The following TMEM229B variants were observed in gnomAD, a reference collection of about 807,000 sequenced individuals.
The protein encoded by TMEM229B is chromosome 14 open reading frame 83.
In TMEM229B, 6 loss-of-function variants were observed where a neutral mutation model predicts 13.7. The observed-to-expected ratio is 0.44, with a 90% CI of 0.24 to 0.86. The LOEUF is 0.86. TMEM229B is among the 40% of genes least tolerant of loss of function. TMEM229B has a pLI of 0.23. For synonymous variants in TMEM229B, 107 were observed against 102.1 expected, an observed-to-expected ratio of 1.05 and a Z score of -0.29; for missense variants, 170 against 236.0, an observed-to-expected ratio of 0.72 and a Z score of 1.83.
intron 1 of TMEM229B, among the ~76,000 whole-genome samples, chr14:67,522,718 A>G (rs865775927): frequency 9.2e-4 from 140 of 152,182 alleles, no homozygotes; most frequent in African/African-American, 3.1e-3. Flanking sequence ...CTGAGTCAAA[A>G]GGTTTCTCCC....
chr14:67,509,749 G>A (rs2032963861), intron 1 of TMEM229B, among the ~76,000 whole-genome samples: 1 of 152,164 alleles, frequency 6.6e-6, no homozygotes, highest in Non-Finnish European at 1.5e-5. Flanking sequence ...GCTTATCCCT[G>A]TAATCCCAGC....
At chr14:67,494,804 A>C (rs188962736) in intron 1 of TMEM229B, among the ~76,000 whole-genome samples, 4 of 152,264 alleles carry the variant, frequency 2.6e-5, no homozygotes, top group African/African-American at 9.6e-5. Flanking sequence ...GCTACAGAAG[A>C]AGCACCAAAT....
intron 1 of TMEM229B, among the ~76,000 whole-genome samples, chr14:67,502,352 A>G (rs1268688076): frequency 6.6e-6 from 1 of 151,108 alleles, no homozygotes; most frequent in Non-Finnish European, 1.5e-5. Context: ...AAGAAAGAAA[A>G]AAAAAGAAAA....
chr14:67,485,797 C>T (rs2031838723), intron 2 of TMEM229B, among the ~76,000 whole-genome samples: 1 of 152,230 alleles, frequency 6.6e-6, no homozygotes, highest in Non-Finnish European at 1.5e-5. Flanking sequence ...CAGTTAGGAG[C>T]CTCTCACCCT....
intron 1 of TMEM229B, among the ~76,000 whole-genome samples, chr14:67,528,934 T>G (rs1027924594): frequency 6.6e-6 from 1 of 152,000 alleles, no homozygotes; most frequent in African/African-American, 2.4e-5. Flanking sequence ...AGACATGAGG[T>G]TAGATTTGGA....
rs577618298 is a variant in TMEM229B at position 67,515,270 on chromosome 14, G to A, written c.-376C>T. ...CCGGCGCTCTGGCTCCCCCCGCGCC[G>A]AGTTGCGGGCCGTGCCTCCCCCACG... is the stretch of plus-strand genomic sequence containing the variant. On this transcript the variant is annotated 5_prime_UTR_variant, in exon 1 of 3. Transcript: ENST00000357461. The A allele has an allele frequency of 9.8e-4, 150 of 152,980 alleles. 1 individual carries two copies. The highest frequency in any genetic ancestry group is 9.9e-4 in the Non-Finnish European group (68 of 68,834). 9.5% of individuals were successfully genotyped at this position (152,980 alleles called of 1,614,324 possible).
At chr14:67,485,410 A>G (rs538810466) in intron 2 of TMEM229B, among the ~76,000 whole-genome samples, 2 of 152,374 alleles carry the variant, frequency 1.3e-5, no homozygotes, top group African/African-American at 4.8e-5. Context: ...GCCCTGAATT[A>G]TAAACTGTCA....
chr14:67,525,686 T>G (rs58269806), intron 1 of TMEM229B, among the ~76,000 whole-genome samples: 1,869 of 152,368 alleles, frequency 0.012, 44 homozygotes, highest in African/African-American at 0.043. Context: ...TGTACATTAC[T>G]GCATATGCAG....
rs1016730191 is a variant in TMEM229B, at chr14:67,530,037, C to T, written c.-192+3599G>A. On this transcript the variant is annotated intron_variant, in intron 1 of 2. Transcript: ENST00000554278. ...GATGGGAAGCAGGGTTTCTAGAAGG[C>T]TCGTACAAGGGAAGATGAATTGTCA... is the stretch of plus-strand genomic sequence containing the variant. Among the ~76,000 whole-genome samples, 7 of 152,126 alleles carry T rather than the reference C, an allele frequency of 4.6e-5. No individual in the cohort carries two copies. The East Asian group carries it at 1.3e-3, about 29-fold the overall frequency.
At position 67,473,411 on chromosome 14, in the gene TMEM229B, G is replaced by A. The variant is rs758895657; in HGVS notation, c.*9C>T. 3.1e-6 allele frequency: 5 copies of A among 1,611,284 alleles called. No individual in the cohort carries two copies. Among genetic ancestry groups the A allele is most frequent in the East Asian group, 2.2e-5 (1 of 44,836 alleles). ...TGAGAGATCCCCAGGCCCCCCACCC[G>A]CTTCCTGCTCAGTCAGTCTTGACAT... On this transcript the variant is annotated 3_prime_UTR_variant, in exon 3 of 3. Transcript: ENST00000554480. This position sits in a 1 kb window ranked among gnomAD's most constrained non-coding sequence, Gnocchi z 6.5.
At chr14:67,478,349 A>G (rs2031358125) in intron 2 of TMEM229B, among the ~76,000 whole-genome samples, 2 of 151,808 alleles carry the variant, frequency 1.3e-5, no homozygotes, top group South Asian at 4.2e-4. Flanking sequence ...CACCCTTACC[A>G]CCTCTTAAAT....
intron 1 of TMEM229B, among the ~76,000 whole-genome samples, chr14:67,499,256 G>A (rs778254274): frequency 9.9e-5 from 15 of 152,112 alleles, no homozygotes; most frequent in Admixed American, 2.0e-4. Flanking sequence ...CTCCTGCCTC[G>A]ACCTCCCAAG....
chr14:67,531,547 A>C (rs527446307), intron 1 of TMEM229B, among the ~76,000 whole-genome samples: 1 of 151,948 alleles, frequency 6.6e-6, no homozygotes, highest in African/African-American at 2.4e-5. Flanking sequence ...GTAACCAGCT[A>C]TAGGGGAGAG....
rs1028414982 is a variant in TMEM229B, at chr14:67,472,079, G to A, written c.*1341C>T. The A allele has an allele frequency of 2.0e-5, 3 of 152,106 alleles. No individual in the cohort carries two copies. Among genetic ancestry groups the A allele is most frequent in the Non-Finnish European group, 4.4e-5 (3 of 68,098 alleles). The allele number at this position is 152,106 out of a possible 1,614,324, so 9.4% of individuals were successfully genotyped here. A position where few individuals can be genotyped will look rare whatever the true frequency, so the allele number is the denominator to read the frequency against. ...GGTGCCAATGCCCATGAGTGTGGCA[G>A]GGTTAATACTGTTTAAGGAGTGAGC... On this transcript the variant is annotated 3_prime_UTR_variant, in exon 3 of 3. Coordinates refer to ENST00000554480, the MANE Select transcript of TMEM229B (RefSeq NM_001348543.2).
At chr14:67,529,702 C>T (rs958701256) in intron 1 of TMEM229B, among the ~76,000 whole-genome samples, 9 of 152,192 alleles carry the variant, frequency 5.9e-5, no homozygotes, top group African/African-American at 2.2e-4. Context: ...CCATGGTTAC[C>T]TCACCTCTCA....
At chr14:67,489,753 G>C (rs2032080245), upstream of TMEM229B, among the ~76,000 whole-genome samples, 2 of 152,242 alleles carry the variant, frequency 1.3e-5, no homozygotes, top group African/African-American at 4.8e-5. Context: ...CACATTGGGA[G>C]GCCGAGGCGG....
At chr14:67,525,441 G>A (rs772865369) in intron 1 of TMEM229B, among the ~76,000 whole-genome samples, 3 of 152,034 alleles carry the variant, frequency 2.0e-5, no homozygotes, top group African/African-American at 7.3e-5. Flanking sequence ...CCTAATTGAC[G>A]GACATTTCAA....
At chr14:67,518,868 G>A (rs1197426317), upstream of TMEM229B, among the ~76,000 whole-genome samples, 1 of 152,216 alleles carries the variant, frequency 6.6e-6, no homozygotes, top group Admixed American at 6.5e-5. Context: ...ATCAGAAAGG[G>A]TCTAGGAGGG....
In TMEM229B at chr14:67,529,038, C is replaced by T. The variant is rs563080733; in HGVS notation, c.-192+4598G>A. Reference sequence around the variant, plus strand: ...ACTTTCCAGCTCCCTAGTCTTTGGGCGCCTTGCTAGTCCTTTACACCTCTA... The same window carrying T: ...ACTTTCCAGCTCCCTAGTCTTTGGGTGCCTTGCTAGTCCTTTACACCTCTA... On this transcript the variant is annotated intron_variant, in intron 1 of 2. Transcript: ENST00000554278. Among the ~76,000 whole-genome samples the T allele has an allele frequency of 3.9e-5, 6 of 152,276 alleles. No homozygotes were observed. The South Asian group carries it at 8.3e-4, about 21-fold the overall frequency.
Sources: gnomAD v4.1 joint callset for allele counts (sites outside exome capture counted in the v4.1 genomes callset) on GRCh38, gnomAD v4.1.1 for gene constraint, Gnocchi (gnomAD v3.1) non-coding constraint, MANE v1.5 for transcripts, NCBI Gene and HGNC (gene_info 2026-07-23, HGNC 2026-07-21) for gene names.